GLI2: variants seen among roughly 807,000 people sequenced by gnomAD.
GLI2 encodes the protein transcription activator GLI2.
GLI2 carries 22 observed loss-of-function variants against 78.9 expected under a neutral mutation model. That is an observed-to-expected ratio of 0.28 (90% confidence interval 0.20 to 0.40). The LOEUF is 0.40. Among genes scored for constraint, GLI2 ranks in the 10% least tolerant of loss-of-function variants. GLI2 has a pLI of 1.00. For missense variants in GLI2, 2,097 were observed against 2,213.2 expected (o/e 0.95, Z 1.05); for synonymous variants, 974 against 963.7 (o/e 1.01, Z -0.20).
At chr2:120,972,132 AC>A in intron 8 of GLI2, 69 bp downstream of exon 8, 1 of 1,572,532 alleles carries the variant, frequency 6.4e-7, no homozygotes, top group African/African-American at 1.3e-5. Context: ...TTGGGGCTGT[AC>A]CCTTGGTGGT....
At chr2:120,865,382 A>G (rs1253825118) in intron 2 of GLI2, among the ~76,000 whole-genome samples, 3 of 152,184 alleles carry the variant, frequency 2.0e-5, no homozygotes, top group African/African-American at 7.2e-5. Flanking sequence ...TGTCCTCGCC[A>G]CTAGGAGGGA....
At chr2:120,914,683 G>A (rs1242931576) in intron 2 of GLI2, among the ~76,000 whole-genome samples, 1 of 152,154 alleles carries the variant, frequency 6.6e-6, no homozygotes, top group Non-Finnish European at 1.5e-5. Context: ...AGGGGCAGGA[G>A]CCCAGCAGAG....
chr2:120,946,180 T>C (rs1680701889), intron 3 of GLI2, among the ~76,000 whole-genome samples: 1 of 152,138 alleles, frequency 6.6e-6, no homozygotes, highest in Non-Finnish European at 1.5e-5. Flanking sequence ...GCCTGGTAAT[T>C]ACCTGATTTC....
chr2:120,795,774 G>A (rs1345288712), intron 1 of GLI2, among the ~76,000 whole-genome samples: 3 of 152,094 alleles, frequency 2.0e-5, no homozygotes, highest in Admixed American at 2.0e-4. Flanking sequence ...GACCGGCCAG[G>A]TGCGGTGGCT....
chr2:120,816,668 A>G (rs1339086752), intron 2 of GLI2, among the ~76,000 whole-genome samples: 1 of 151,914 alleles, frequency 6.6e-6, no homozygotes, highest in African/African-American at 2.4e-5. Flanking sequence ...AAGTAAGAAG[A>G]GTAGGATTAC....
At chr2:120,934,632 G>A (rs1215845145) in intron 3 of GLI2, among the ~76,000 whole-genome samples, 1 of 152,192 alleles carries the variant, frequency 6.6e-6, no homozygotes, top group African/African-American at 2.4e-5. Flanking sequence ...TGGTGGGCAT[G>A]GGGGCCTCAC....
intron 2 of GLI2, among the ~76,000 whole-genome samples, chr2:120,898,012 G>A (rs1031601232): frequency 9.2e-5 from 14 of 152,108 alleles, no homozygotes; most frequent in South Asian, 2.1e-4. Flanking sequence ...GCTTTCCACC[G>A]TTCAGAGGAG....
chr2:120,764,308 A>C (rs1683304462), intron 1 of GLI2, among the ~76,000 whole-genome samples: 1 of 152,204 alleles, frequency 6.6e-6, no homozygotes, highest in South Asian at 2.1e-4. Context: ...GGAGACCCAG[A>C]ATTCACCTCC....
intron 8 of GLI2, chr2:120,972,670 G>A (rs1369548569): frequency 1.9e-6 from 1 of 518,720 alleles, no homozygotes; most frequent in Non-Finnish European, 3.8e-6. Context: ...CAGGGTTTGT[G>A]CAAGTGTGCA....
chr2:120,803,609 A>T (rs893642471), intron 2 of GLI2, among the ~76,000 whole-genome samples: 2 of 152,114 alleles, frequency 1.3e-5, no homozygotes, highest in African/African-American at 4.8e-5. Flanking sequence ...TGCCTGTCCC[A>T]CTTTGCTTTG....
chr2:120,895,740 A>G (rs1057129352), intron 2 of GLI2, among the ~76,000 whole-genome samples: 5 of 152,122 alleles, frequency 3.3e-5, no homozygotes, highest in Admixed American at 3.3e-4. Context: ...AAACAAAACA[A>G]AAACATGCTT....
At position 120,804,824 on chromosome 2, in the gene GLI2, C is replaced by T. The variant is rs138331813; in HGVS notation, c.148+7356C>T. Among the ~76,000 whole-genome samples, 979 of 152,300 alleles carry T rather than the reference C, an allele frequency of 6.4e-3. 4 individuals carry two copies. The highest frequency in any genetic ancestry group is 9.3e-3 in the Non-Finnish European group (632 of 68,014). On this transcript the variant is annotated intron_variant, in intron 2 of 13. Transcript: ENST00000361492. The stretch of plus-strand genomic sequence containing the variant: ...TTCAGGAGTGTACTGCAAGGTTGGA[C>T]GCCTGGGGCGGGAGCATGAGGTTGG...
chr2:120,869,670 A>G (rs936391541), intron 2 of GLI2, among the ~76,000 whole-genome samples: 7 of 152,232 alleles, frequency 4.6e-5, no homozygotes, highest in Non-Finnish European at 1.5e-5. Context: ...CAGAAGTGAG[A>G]TGCTGGAAGC....
intron 1 of GLI2, among the ~76,000 whole-genome samples, chr2:120,748,199 A>C (rs1462569810): frequency 2.0e-5 from 3 of 152,242 alleles, no homozygotes; most frequent in African/African-American, 7.2e-5. Flanking sequence ...GACCCTGGAT[A>C]GGTCTGTTTT....
intron 5 of GLI2, among the ~76,000 whole-genome samples, chr2:120,966,957 T>C (rs1197267504): frequency 6.6e-6 from 1 of 152,200 alleles, no homozygotes; most frequent in African/African-American, 2.4e-5. Context: ...GTGTGTACTG[T>C]GAGCAGGAGG....
intron 2 of GLI2, among the ~76,000 whole-genome samples, chr2:120,811,908 T>C (rs1258672447): frequency 6.6e-6 from 1 of 152,044 alleles, no homozygotes; most frequent in East Asian, 1.9e-4. Context: ...GGCCCTACTA[T>C]GCGCCGGGCA....
chr2:120,806,631 A>G (rs1188712689), intron 2 of GLI2, among the ~76,000 whole-genome samples: 1 of 152,156 alleles, frequency 6.6e-6, no homozygotes, highest in Non-Finnish European at 1.5e-5. Flanking sequence ...CCTGCCTGGC[A>G]TATGGGGTCT....
At chr2:120,930,838 G>A (rs1679914692) in intron 3 of GLI2, among the ~76,000 whole-genome samples, 1 of 152,220 alleles carries the variant, frequency 6.6e-6, no homozygotes, top group Non-Finnish European at 1.5e-5. Flanking sequence ...GCCCTGGGCT[G>A]GGAAGGGGCC....
chr2:120,781,553 A>G (rs1352118487), intron 1 of GLI2, among the ~76,000 whole-genome samples: 1 of 152,244 alleles, frequency 6.6e-6, no homozygotes, highest in East Asian at 1.9e-4. Flanking sequence ...AATAAGTAGC[A>G]TTTTAATGGA....
Sources: gnomAD v4.1 joint callset for allele counts (sites outside exome capture counted in the v4.1 genomes callset) on GRCh38, gnomAD v4.1.1 for gene constraint, MANE v1.5 for transcripts, NCBI Gene and HGNC (gene_info 2026-07-23, HGNC 2026-07-21) for gene names.